Variants in BMP2K observed in about 807,000 individuals in gnomAD.
BMP2K encodes the protein BMP-2-inducible protein kinase.
A neutral mutation model predicts 116.0 loss-of-function variants in BMP2K; 74 were observed. That is an observed-to-expected ratio of 0.64 (90% CI 0.53 to 0.77). The LOEUF is 0.77. Among genes scored for constraint, BMP2K ranks in the 30% least tolerant of loss-of-function variants. The pLI, the probability that BMP2K is intolerant of heterozygous loss-of-function variation, is 0.00. For missense variants in BMP2K, 1,365 were observed against 1,403.6 expected (o/e 0.97, Z 0.44); for synonymous variants, 486 against 502.5 (o/e 0.97, Z 0.44).
At position 78,826,072 on chromosome 4, in the gene BMP2K, G is replaced by A. The variant is rs754560876; in HGVS notation, c.214G>A (p.Gly72Ser). 1.7e-5 allele frequency: 27 copies of A among 1,613,726 alleles called. No homozygotes were observed. The African/African-American group carries it at 1.7e-4, about 10-fold the overall frequency. ...CACAGTTTTCCTCGTGCGTACTCAC[G>A]GTGGAATCCGATGTGCATTGAAGCG... is the stretch of plus-strand genomic sequence containing the variant. The part of the protein sequence containing the change: ...FSTVFLVRTH[G>S]GIRCALKRMY... Residue 72 changes from glycine (G) to serine (S), a missense_variant, in exon 2 of 16, where the codon GGT becomes AGT. Transcript: ENST00000502613.
chr4:78,892,020 G>T (rs1211537526), intron 15 of BMP2K, among the ~76,000 whole-genome samples: 4 of 152,118 alleles, frequency 2.6e-5, no homozygotes, highest in African/African-American at 9.7e-5. Context: ...GTCTTTAAAA[G>T]GATGTTTTAT....
intron 12 of BMP2K, among the ~76,000 whole-genome samples, chr4:78,872,154 A>C (rs1214118268): frequency 1.3e-5 from 2 of 152,180 alleles, no homozygotes; most frequent in Non-Finnish European, 2.9e-5. Context: ...TAATTGACCG[A>C]TAACGTACTT....
intron 9 of BMP2K, among the ~76,000 whole-genome samples, chr4:78,862,582 C>T (rs949630346): frequency 6.6e-6 from 1 of 152,050 alleles, no homozygotes; most frequent in Non-Finnish European, 1.5e-5. Context: ...CAATCATGAA[C>T]AACTTTGTTT....
chr4:78,875,530 C>T (rs1462782230), intron 13 of BMP2K, among the ~76,000 whole-genome samples: 1 of 151,952 alleles, frequency 6.6e-6, no homozygotes, highest in Non-Finnish European at 1.5e-5. Context: ...ATATAATTGC[C>T]CTGTTATATT....
At chr4:78,778,335 G>T (rs573033143) in intron 1 of BMP2K, among the ~76,000 whole-genome samples, 2 of 152,096 alleles carry the variant, frequency 1.3e-5, no homozygotes, top group African/African-American at 4.8e-5. Context: ...AATAATTTTG[G>T]AAAGTAATAA....
intron 10 of BMP2K, among the ~76,000 whole-genome samples, chr4:78,870,124 G>C (rs1732259167): frequency 6.6e-6 from 1 of 152,108 alleles, no homozygotes; most frequent in Non-Finnish European, 1.5e-5. Context: ...CATAGGATTT[G>C]CCTAGGGTAT....
chr4:78,872,303 C>CTTT lies in BMP2K; in HGVS notation c.1609-287_1609-285dup, dbSNP rs34599936. 190 of 92,320 alleles carry CTTT rather than the reference C, an allele frequency of 2.1e-3. 24 individuals carry two copies. Among genetic ancestry groups the CTTT allele is most frequent in the South Asian group, 4.5e-3 (9 of 1,994 alleles). 5.7% of individuals were successfully genotyped at this position (92,320 alleles called of 1,614,324 possible). A position where few individuals can be genotyped will look rare whatever the true frequency, so the allele number is the denominator to read the frequency against. On this transcript the variant is annotated intron_variant, in intron 12 of 15. Coordinates refer to ENST00000502613, the MANE Select transcript of BMP2K (RefSeq NM_198892.2). The stretch of plus-strand genomic sequence containing the variant: ...TATTTTCTTCAGAGAATAATTTGAC[C>CTTT]TTTTTTTTTTTTTTTTTTTTTTTTT...
rs566765809 is a variant in BMP2K at position 78,836,277 on chromosome 4, C to T, written c.403+2590C>T. Among the ~76,000 whole-genome samples the T allele has an allele frequency of 2.6e-5, 4 of 151,910 alleles. No individual in the cohort carries two copies. In the South Asian group the frequency reaches 6.2e-4, roughly 24 times the overall value. ...CTAAAAATACAAAAAATTAGCTGGG[C>T]GTAGTGGTGGACGCCTGTAGTCCCA... is the stretch of plus-strand genomic sequence containing the variant. On this transcript the variant is annotated intron_variant, in intron 3 of 15. Transcript: ENST00000502613.
At position 78,854,427 on chromosome 4, in the gene BMP2K, C is replaced by G. The variant is rs561231193; in HGVS notation, c.883+3371C>G. The stretch of plus-strand genomic sequence containing the variant: ...TAGCTGGGACTACAGGCCTATGCCA[C>G]CATGCCTGGCTAATTTTTGTATTTT... On this transcript the variant is annotated intron_variant, in intron 7 of 15. Coordinates refer to ENST00000502613, the MANE Select transcript of BMP2K (RefSeq NM_198892.2). Among the ~76,000 whole-genome samples the G allele has an allele frequency of 8.5e-5, 13 of 152,152 alleles. No individual in the cohort carries two copies. In the East Asian group the frequency reaches 2.5e-3, roughly 29 times the overall value.
In BMP2K at chr4:78,911,461, C is replaced by T. The variant is rs1199782778; in HGVS notation, c.2914C>T (p.Gln972Ter). The T allele has an allele frequency of 2.5e-6, 4 of 1,613,920 alleles. No individual in the cohort carries two copies. The highest frequency in any genetic ancestry group is 3.4e-6 in the Non-Finnish European group (4 of 1,179,912). The change falls in exon 16 of 16, where the codon CAG (glutamine) becomes TAG (stop). Residue 972 changes from glutamine to a stop codon, truncating the protein, a stop_gained. Coordinates refer to ENST00000502613, the MANE Select transcript of BMP2K (RefSeq NM_198892.2). LOFTEE classifies it high-confidence loss of function. ...ITGSQQQKVKQRSLQKLSSRQ... is the reference protein window; with the variant it reads ...ITGSQQQKVK ...GGGGAGCCAGCAGCAAAAAGTCAAA[C>T]AGCGCAGCTTACAGAAACTGTCCTC...
In BMP2K at chr4:78,872,656, G is replaced by C. The variant is rs758112711; in HGVS notation, c.1651G>C (p.Ala551Pro). The stretch of plus-strand genomic sequence containing the variant: ...GGCTTTCTTTCAACAGCAGATGCTA[G>C]CTCAACATCAGCCGTCTCAACAACA... ...QQAFFQQQMLAQHQPSQQQAS... is the reference protein window; with the variant it reads ...QQAFFQQQMLPQHQPSQQQAS... Residue 551 changes from alanine (A) to proline (P), a missense_variant, in exon 13 of 16, where the codon GCT becomes CCT. Ala to Pro is a conservative substitution (Grantham distance 27, BLOSUM62 -1). Coordinates refer to ENST00000502613, the MANE Select transcript of BMP2K (RefSeq NM_198892.2). 10 of 1,614,040 alleles carry C rather than the reference G, an allele frequency of 6.2e-6. No homozygotes were observed. In the South Asian group the frequency reaches 9.9e-5, roughly 16 times the overall value.
intron 3 of BMP2K, among the ~76,000 whole-genome samples, chr4:78,834,875 C>T (rs528062156): frequency 3.8e-4 from 58 of 152,298 alleles, no homozygotes; most frequent in African/African-American, 7.2e-4. Context: ...TATTTCCATA[C>T]ACAATATTTA....
At position 78,823,027 on chromosome 4, in the gene BMP2K, C is replaced by T. The variant is rs1039686439; in HGVS notation, c.179-3010C>T. 2.0e-5 allele frequency among the ~76,000 whole-genome samples: 3 copies of T among 152,034 alleles called. No homozygotes were observed. The East Asian group carries it at 5.8e-4, about 29-fold the overall frequency. On this transcript the variant is annotated intron_variant, in intron 1 of 15. Coordinates refer to ENST00000502613, the MANE Select transcript of BMP2K (RefSeq NM_198892.2). The stretch of plus-strand genomic sequence containing the variant: ...ATTGAAAAGATAGTACTGGGGAAAA[C>T]ATAAACATTTATTACATTTTATTCT...
chr4:78,847,552 A>AT (rs1407326157), intron 6 of BMP2K, among the ~76,000 whole-genome samples: 8 of 151,316 alleles, frequency 5.3e-5, no homozygotes, highest in Non-Finnish European at 5.9e-5. Context: ...GAGTGTTAAC[A>AT]TTTTTTTTGA....
At chr4:78,905,049 A>AT (rs942286981) in intron 15 of BMP2K, among the ~76,000 whole-genome samples, 3 of 151,504 alleles carry the variant, frequency 2.0e-5, no homozygotes, top group African/African-American at 4.8e-5. Flanking sequence ...TCCTATTTTG[A>AT]TTTTTTTTCA....
intron 7 of BMP2K, among the ~76,000 whole-genome samples, chr4:78,857,914 G>C (rs941277074): frequency 4.6e-5 from 7 of 151,908 alleles, no homozygotes; most frequent in African/African-American, 1.5e-4. Context: ...TTTTGGGCCT[G>C]CATTTAAGAC....
At chr4:78,887,136 C>T (rs1560546349) in intron 14 of BMP2K, 38 bp from the exon 15 acceptor site, 1 of 1,333,866 alleles carries the variant, frequency 7.5e-7, no homozygotes, top group Non-Finnish European at 1.0e-6. Flanking sequence ...ATTTTTATTT[C>T]ATTTCATTTT....
At chr4:78,817,312 C>T (rs945801051) in intron 1 of BMP2K, among the ~76,000 whole-genome samples, 1 of 152,176 alleles carries the variant, frequency 6.6e-6, no homozygotes, top group African/African-American at 2.4e-5. Context: ...AAGACTACCC[C>T]CACTTCAAAC....
chr4:78,847,316 C>T (rs779586843), intron 6 of BMP2K, 47 bp downstream of exon 6: 5 of 1,409,258 alleles, frequency 3.5e-6, no homozygotes, highest in Non-Finnish European at 4.8e-6. Context: ...ATTAAAAAAT[C>T]TGAGTTCAGT....
Sources: allele counts gnomAD v4.1 joint callset (sites outside exome capture counted in the v4.1 genomes callset), GRCh38; gene constraint gnomAD v4.1.1; transcripts MANE v1.5; gene names NCBI Gene and HGNC (gene_info 2026-07-23, HGNC 2026-07-21).